PRKG1: variants seen among roughly 807,000 people sequenced by gnomAD.
PRKG1 encodes protein kinase cGMP-dependent 1.
PRKG1 carries 35 observed loss-of-function variants against 88.1 expected under a neutral mutation model. The ratio of observed to expected loss-of-function variants is 0.40; its 90% CI spans 0.30 to 0.53. The LOEUF is 0.53. Among genes scored for constraint, PRKG1 ranks in the 20% least tolerant of loss-of-function variants. The probability of loss-of-function intolerance (pLI) is 0.59; values close to 1 mark genes in which losing one functional copy is unlikely to be tolerated. For missense variants in PRKG1, 540 were observed against 839.8 expected (o/e 0.64, Z 4.41); for synonymous variants, 303 against 292.5 (o/e 1.04, Z -0.37).
At chr10:51,746,283 C>T (rs548079607) in intron 3 of PRKG1, among the ~76,000 whole-genome samples, 25 of 151,450 alleles carry the variant, frequency 1.7e-4, no homozygotes, top group African/African-American at 5.6e-4. Flanking sequence ...GCAATTTGGT[C>T]GTCAAATTAG....
intron 2 of PRKG1, among the ~76,000 whole-genome samples, chr10:51,174,353 A>G (rs570865423): frequency 6.2e-4 from 94 of 151,650 alleles, no homozygotes; most frequent in Middle Eastern, 3.4e-3. Flanking sequence ...CATTGTAAAC[A>G]TTTTATAAAT....
chr10:51,004,815 A>G (rs552132204), intron 1 of PRKG1, among the ~76,000 whole-genome samples: 1 of 152,298 alleles, frequency 6.6e-6, no homozygotes, highest in East Asian at 1.9e-4. Flanking sequence ...AACTGTATCT[A>G]TTGCTCTTAA....
intron 7 of PRKG1, among the ~76,000 whole-genome samples, chr10:52,068,134 C>T (rs1346051041): frequency 2.1e-5 from 2 of 93,104 alleles, no homozygotes; most frequent in African/African-American, 3.2e-5. Flanking sequence ...ACCCGGGAGG[C>T]GGAGCTTGCA....
rs180940788 is a variant in PRKG1 at position 51,889,955 on chromosome 10, T to C, written c.699-17552T>C. Reference sequence around the variant, plus strand: ...TTGAGTTCTTTGTAGATTCTGGATATTAGCCCTTTGTCAGATGAGTAGATT... The same window carrying C: ...TTGAGTTCTTTGTAGATTCTGGATACTAGCCCTTTGTCAGATGAGTAGATT... On this transcript the variant is annotated intron_variant, in intron 4 of 17. Coordinates refer to ENST00000373980, the MANE Select transcript of PRKG1 (RefSeq NM_006258.4). 2.9e-4 allele frequency among the ~76,000 whole-genome samples: 44 copies of C among 152,330 alleles called. No individual in the cohort carries two copies. In the East Asian group the frequency reaches 6.6e-3, roughly 23 times the overall value.
chr10:51,564,766 C>A (rs1367326324), intron 3 of PRKG1, among the ~76,000 whole-genome samples: 1 of 152,040 alleles, frequency 6.6e-6, no homozygotes, highest in Non-Finnish European at 1.5e-5. Flanking sequence ...TGTAGGATTT[C>A]ATATAATTTC....
At chr10:51,918,408 G>A (rs1842392436) in intron 5 of PRKG1, among the ~76,000 whole-genome samples, 1 of 151,450 alleles carries the variant, frequency 6.6e-6, no homozygotes, top group Admixed American at 6.6e-5. Context: ...TTGTGACAGG[G>A]ATCCATTTTA....
At chr10:52,114,009 GTC>G (rs1187891517) in intron 7 of PRKG1, among the ~76,000 whole-genome samples, 1 of 152,040 alleles carries the variant, frequency 6.6e-6, no homozygotes, top group Non-Finnish European at 1.5e-5. Context: ...TGATTAGATC[GTC>G]TTTCTTCAGA....
chr10:51,769,012 C>T lies in PRKG1; in HGVS notation c.593-35573C>T, dbSNP rs12243839. 4.3e-3 allele frequency among the ~76,000 whole-genome samples: 649 copies of T among 152,246 alleles called. 7 individuals are homozygous for T. The highest frequency in any genetic ancestry group is 0.015 in the African/African-American group (607 of 41,554). ...GGGATAAAAACCTAGGACAAAGGACCAGATCTGGAAAGTTCCTGTCCTTGA... is the reference window on the plus strand; with the variant it reads ...GGGATAAAAACCTAGGACAAAGGACTAGATCTGGAAAGTTCCTGTCCTTGA... On this transcript the variant is annotated intron_variant, in intron 3 of 17. Coordinates refer to ENST00000373980, the MANE Select transcript of PRKG1 (RefSeq NM_006258.4).
Position 51,411,672 on chromosome 10 carries a change from T to A in PRKG1, c.479-56051T>A, listed in dbSNP as rs185041709. Among the ~76,000 whole-genome samples the A allele has an allele frequency of 5.9e-3, 901 of 152,330 alleles. 5 individuals carry two copies. The highest frequency in any genetic ancestry group is 8.8e-3 in the Non-Finnish European group (602 of 68,030). On this transcript the variant is annotated intron_variant, in intron 2 of 17. Coordinates refer to ENST00000373980, the MANE Select transcript of PRKG1 (RefSeq NM_006258.4). ...AGCAAGCTTCAAGTTGTAACTTTGA[T>A]CTCTTTTCTGTCCGTTTTTGCTTTA... is the stretch of plus-strand genomic sequence containing the variant.
chr10:51,409,277 T>C (rs1838008613), intron 2 of PRKG1, among the ~76,000 whole-genome samples: 1 of 152,162 alleles, frequency 6.6e-6, no homozygotes, highest in South Asian at 2.1e-4. Flanking sequence ...CATGAGGCCA[T>C]CGATGCAGGC....
Position 52,234,633 on chromosome 10 carries a change from TG to T in PRKG1, c.1077-16936del, listed in dbSNP as rs1281373054. Among the ~76,000 whole-genome samples the T allele has an allele frequency of 1.6e-5, 2 of 128,296 alleles. 1 individual carries two copies. Among genetic ancestry groups the T allele is most frequent in the East Asian group, 4.1e-4 (2 of 4,872 alleles). 84.2% of individuals were successfully genotyped at this position (128,296 alleles called of 152,430 possible). On this transcript the variant is annotated intron_variant, in intron 9 of 17. Coordinates refer to ENST00000373980, the MANE Select transcript of PRKG1 (RefSeq NM_006258.4). ...TTAGAGAAAAAAGAATAAAAATAAATGAGCAAAGCCTCCAAGAAATATGGGA... is the reference window on the plus strand; with the variant it reads ...TTAGAGAAAAAAGAATAAAAATAAATAGCAAAGCCTCCAAGAAATATGGGA...
chr10:51,637,417 G>A (rs910923875), intron 3 of PRKG1, among the ~76,000 whole-genome samples: 2 of 152,082 alleles, frequency 1.3e-5, no homozygotes, highest in African/African-American at 4.8e-5. Flanking sequence ...CCCATTACTG[G>A]GTATATGCTG....
rs192253757 is a variant in PRKG1, at chr10:51,672,557, C to T, written c.593-132028C>T. ...AACATTGCTATTTTATAGTCTGTAT[C>T]TTATGGGTCTGAAGTCCTTGGTATT... On this transcript the variant is annotated intron_variant, in intron 3 of 17. Transcript: ENST00000373980. Among the ~76,000 whole-genome samples the T allele has an allele frequency of 2.0e-5, 3 of 151,788 alleles. No homozygotes were observed. The East Asian group carries it at 5.8e-4, about 29-fold the overall frequency.
At chr10:51,768,668 A>G (rs921527327) in intron 3 of PRKG1, among the ~76,000 whole-genome samples, 3 of 152,168 alleles carry the variant, frequency 2.0e-5, no homozygotes, top group African/African-American at 7.2e-5. Flanking sequence ...TCCTCGTCAG[A>G]TAACCCAGGA....
intron 4 of PRKG1, among the ~76,000 whole-genome samples, chr10:51,833,307 T>C (rs1243488568): frequency 2.0e-5 from 3 of 152,170 alleles, no homozygotes; most frequent in African/African-American, 7.2e-5. Flanking sequence ...GCTAGGCGTT[T>C]GAAGAACCTC....
At chr10:51,365,181 G>T (rs1842563687) in intron 2 of PRKG1, among the ~76,000 whole-genome samples, 1 of 151,832 alleles carries the variant, frequency 6.6e-6, no homozygotes, top group African/African-American at 2.4e-5. Context: ...CTGGCACATG[G>T]TAGGCACACA....
Position 52,204,099 on chromosome 10 carries a change from TA to T in PRKG1, c.1076+42137del, listed in dbSNP as rs1564514967. ...TTATTATTATTATTATTATTATTAT[TA>T]TTATTATTTTTTGTTTTTGAGATGG... On this transcript the variant is annotated intron_variant, in intron 9 of 17. Coordinates refer to ENST00000373980, the MANE Select transcript of PRKG1 (RefSeq NM_006258.4). Among the ~76,000 whole-genome samples, 497 of 63,774 alleles carry T rather than the reference TA, an allele frequency of 7.8e-3. 3 individuals are homozygous for T. Among genetic ancestry groups the T allele is most frequent in the African/African-American group, 0.015 (442 of 29,514 alleles). The allele number at this position is 63,774 out of a possible 152,430, so 41.8% of individuals were successfully genotyped here. A position where few individuals can be genotyped will look rare whatever the true frequency, so the allele number is the denominator to read the frequency against.
At chr10:51,309,447 A>G (rs1841124409) in intron 2 of PRKG1, among the ~76,000 whole-genome samples, 1 of 152,174 alleles carries the variant, frequency 6.6e-6, no homozygotes. Context: ...ATGAATATGT[A>G]TTTTTCAAAA....
chr10:51,527,424 AAAAAAC>A (rs891340965), intron 3 of PRKG1, among the ~76,000 whole-genome samples: 1 of 152,166 alleles, frequency 6.6e-6, no homozygotes, highest in African/African-American at 2.4e-5. Context: ...TACTAAAAAG[AAAAAAC>A]AAAAACAAAA....
Sources: allele counts gnomAD v4.1 joint callset (sites outside exome capture counted in the v4.1 genomes callset), GRCh38; gene constraint gnomAD v4.1.1; transcripts MANE v1.5; gene names NCBI Gene and HGNC (gene_info 2026-07-23, HGNC 2026-07-21).